Variants in OSBPL10 observed in about 807,000 individuals in gnomAD.
The protein encoded by OSBPL10 is oxysterol-binding protein-related protein 10.
OSBPL10 carries 49 observed loss-of-function variants against 81.7 expected under a neutral mutation model. That is an observed-to-expected ratio of 0.60 (90% confidence interval 0.48 to 0.76). The LOEUF is 0.76. Among genes scored for constraint, OSBPL10 ranks in the 30% least tolerant of loss-of-function variants. OSBPL10 has a pLI of 0.00. For missense variants in OSBPL10, 923 were observed against 987.8 expected, an observed-to-expected ratio of 0.93 and a Z score of 0.88; for synonymous variants, 419 against 383.6, an observed-to-expected ratio of 1.09 and a Z score of -1.08.
chr3:32,050,274 G>C (rs761561193), intron 1 of OSBPL10, among the ~76,000 whole-genome samples: 4 of 152,238 alleles, frequency 2.6e-5, no homozygotes, highest in Non-Finnish European at 5.9e-5. Flanking sequence ...GAGCAATAGA[G>C]ACTGCCCAGT....
chr3:31,906,608 C>G (rs1414300338), intron 1 of OSBPL10, among the ~76,000 whole-genome samples: 1 of 152,168 alleles, frequency 6.6e-6, no homozygotes, highest in Non-Finnish European at 1.5e-5. Flanking sequence ...AATTCCCAAT[C>G]AATCAGGATT....
chr3:31,756,097 C>G (rs574383783), intron 4 of OSBPL10, among the ~76,000 whole-genome samples: 1 of 152,204 alleles, frequency 6.6e-6, no homozygotes, highest in Non-Finnish European at 1.5e-5. Context: ...AAGTCTGCTT[C>G]TTGGCAGGCA....
At chr3:31,827,317 A>G (rs553249850) in intron 4 of OSBPL10, among the ~76,000 whole-genome samples, 1 of 152,288 alleles carries the variant, frequency 6.6e-6, no homozygotes, top group Admixed American at 6.5e-5. Flanking sequence ...GAAAAAAAAA[A>G]GCATACGTGT....
intron 4 of OSBPL10, among the ~76,000 whole-genome samples, chr3:31,824,561 G>A (rs35791426): frequency 0.31 from 47,225 of 151,952 alleles, 7,715 homozygotes; most frequent in East Asian, 0.62. Context: ...GTTTGATATC[G>A]TCAAGGGCAA....
intron 4 of OSBPL10, among the ~76,000 whole-genome samples, chr3:31,820,421 C>T (rs1206802262): frequency 6.6e-6 from 1 of 151,882 alleles, no homozygotes; most frequent in African/African-American, 2.4e-5. Context: ...ATGGTGAAAC[C>T]CCGTTTCTAC....
At position 31,950,861 on chromosome 3, in the gene OSBPL10, CCA is replaced by C. The variant is rs564625732; in HGVS notation, c.281+30036_281+30037del. On this transcript the variant is annotated intron_variant, in intron 1 of 11. Transcript: ENST00000396556. ...TCGCCATGTGACATGCCTGCTCCCT[CCA>C]CTTTCCATCTTGAGTAAAAGTTCCC... Among the ~76,000 whole-genome samples the C allele has an allele frequency of 5.9e-5, 9 of 152,342 alleles. 1 individual carries two copies. In the South Asian group the frequency reaches 1.7e-3, roughly 28 times the overall value.
At position 31,764,419 on chromosome 3, in the gene OSBPL10, G is replaced by A. The variant is rs912341403; in HGVS notation, c.730-16299C>T. 5.3e-5 allele frequency among the ~76,000 whole-genome samples: 8 copies of A among 152,252 alleles called. No homozygotes were observed. The South Asian group carries it at 8.3e-4, about 16-fold the overall frequency. On this transcript the variant is annotated intron_variant, in intron 4 of 11. Coordinates refer to ENST00000396556, the MANE Select transcript of OSBPL10 (RefSeq NM_017784.5). ...GGTGGATAAATGGAGGAGAGGGGAC[G>A]GGAGAGAAGAAATGGGAAGACAGGG...
intron 4 of OSBPL10, among the ~76,000 whole-genome samples, chr3:31,761,200 G>A (rs1479839734): frequency 3.3e-5 from 5 of 152,224 alleles, no homozygotes; most frequent in South Asian, 2.1e-4. Context: ...TCCGCCAGGC[G>A]CGGTGGCTCA....
intron 2 of OSBPL10, chr3:31,988,939 CTG>C (rs1698982334): frequency 9.0e-7 from 1 of 1,110,892 alleles, no homozygotes; most frequent in African/African-American, 1.6e-5. Context: ...CCCACAGCGA[CTG>C]TGAGATAATC....
intron 4 of OSBPL10, among the ~76,000 whole-genome samples, chr3:31,812,834 AAG>A (rs1699743240): frequency 7.1e-6 from 1 of 140,562 alleles, no homozygotes; most frequent in Non-Finnish European, 1.6e-5. Context: ...GAAAGAAAGA[AAG>A]AAAGAAAGAA....
chr3:31,742,878 C>CG (rs1251556171), intron 5 of OSBPL10, among the ~76,000 whole-genome samples: 1 of 152,024 alleles, frequency 6.6e-6, no homozygotes, highest in East Asian at 1.9e-4. Context: ...CCCCATAGCA[C>CG]GGGGAAGGCA....
chr3:31,724,619 G>A (rs949130727), intron 6 of OSBPL10, among the ~76,000 whole-genome samples: 22 of 11,352 alleles, frequency 1.9e-3, no homozygotes, highest in Admixed American at 0.012. Context: ...AAAAGCAATG[G>A]AGGAAAGAAA....
At chr3:31,774,789 G>A (rs911701111) in intron 4 of OSBPL10, among the ~76,000 whole-genome samples, 1 of 151,484 alleles carries the variant, frequency 6.6e-6, no homozygotes, top group Non-Finnish European at 1.5e-5. Flanking sequence ...GGGATTACAG[G>A]CATGAGCCAC....
chr3:31,784,583 GTTTGTTT>G (rs1171703598), intron 4 of OSBPL10, among the ~76,000 whole-genome samples: 2 of 151,936 alleles, frequency 1.3e-5, no homozygotes, highest in African/African-American at 2.4e-5. Flanking sequence ...GCAAAAATGG[GTTTGTTT>G]TTTGTTTTTT....
At chr3:31,733,814 T>A (rs1157638142) in intron 5 of OSBPL10, among the ~76,000 whole-genome samples, 2 of 146,802 alleles carry the variant, frequency 1.4e-5, no homozygotes, top group African/African-American at 5.0e-5. Flanking sequence ...ATCGAGACCA[T>A]CCTGGCTAAC....
At chr3:32,028,974 A>ACACG (rs1699442377) in intron 2 of OSBPL10, among the ~76,000 whole-genome samples, 1 of 149,296 alleles carries the variant, frequency 6.7e-6, no homozygotes, top group Non-Finnish European at 1.5e-5. Context: ...ACACACACAC[A>ACACG]CACACACACA....
At chr3:31,666,736 C>T (rs1179510233) in intron 10 of OSBPL10, among the ~76,000 whole-genome samples, 1 of 152,064 alleles carries the variant, frequency 6.6e-6, no homozygotes, top group Non-Finnish European at 1.5e-5. Flanking sequence ...TACATACCTA[C>T]GATGTCATTT....
chr3:32,011,198 G>A (rs1019814765), intron 2 of OSBPL10, among the ~76,000 whole-genome samples: 2 of 152,178 alleles, frequency 1.3e-5, no homozygotes, highest in African/African-American at 4.8e-5. Flanking sequence ...CCCCAGTAGG[G>A]GCAGACTGAC....
intron 4 of OSBPL10, among the ~76,000 whole-genome samples, chr3:31,785,415 G>A (rs1698836847): frequency 6.6e-6 from 1 of 152,132 alleles, no homozygotes; most frequent in South Asian, 2.1e-4. Flanking sequence ...CAGGGAAACA[G>A]GAAAAACCAA....
Sources: gnomAD v4.1 joint callset for allele counts (sites outside exome capture counted in the v4.1 genomes callset) on GRCh38, gnomAD v4.1.1 for gene constraint, MANE v1.5 for transcripts, NCBI Gene and HGNC (gene_info 2026-07-23, HGNC 2026-07-21) for gene names.